Variants in VDAC2 observed in about 807,000 individuals in gnomAD.
VDAC2 encodes the protein non-selective voltage-gated ion channel VDAC2.
VDAC2 carries 6 observed loss-of-function variants against 36.6 expected under a neutral mutation model. That is an observed-to-expected ratio of 0.16 (90% CI 0.09 to 0.32). The LOEUF (loss-of-function observed/expected upper bound fraction) is 0.32. Ranked by LOEUF, VDAC2 falls within the 10% of genes least tolerant of loss-of-function variation. The pLI is 1.00. For missense variants in VDAC2, 247 were observed against 346.0 expected (o/e 0.71, Z 2.27); for synonymous variants, 109 against 123.8 (o/e 0.88, Z 0.79).
At chr10:75,216,108 T>C (rs1029128705) in intron 4 of VDAC2, among the ~76,000 whole-genome samples, 1 of 152,252 alleles carries the variant, frequency 6.6e-6, no homozygotes, top group South Asian at 2.1e-4. Flanking sequence ...TGTTTAGTTA[T>C]GATTGGATGA....
At chr10:75,227,658 C>T (rs1264125041) in intron 8 of VDAC2, among the ~76,000 whole-genome samples, 2 of 137,736 alleles carry the variant, frequency 1.5e-5, no homozygotes, top group African/African-American at 5.6e-5. Context: ...CTCTGCTCTG[C>T]TCACTGCAAC....
At chr10:75,215,937 G>A (rs1043277613) in intron 4 of VDAC2, among the ~76,000 whole-genome samples, 1 of 151,540 alleles carries the variant, frequency 6.6e-6, no homozygotes, top group Non-Finnish European at 1.5e-5. Context: ...GGCCAGTCTG[G>A]TCTTAAACTC....
chr10:75,227,187 A>G (rs1000967340), intron 8 of VDAC2, among the ~76,000 whole-genome samples: 41 of 152,204 alleles, frequency 2.7e-4, no homozygotes, highest in African/African-American at 9.7e-4. Flanking sequence ...AATATCCTAT[A>G]TAACTGGTAA....
intron 3 of VDAC2, among the ~76,000 whole-genome samples, chr10:75,213,003 C>T (rs1841476486): frequency 6.6e-6 from 1 of 152,138 alleles, no homozygotes; most frequent in African/African-American, 2.4e-5. Flanking sequence ...CCATACCCTC[C>T]TCCCCTTTAT....
At position 75,220,984 on chromosome 10, in the gene VDAC2, T is replaced by G; in HGVS notation, c.584+14T>G. 1 of 1,607,790 alleles carries G rather than the reference T, an allele frequency of 6.2e-7. No homozygotes were observed. The highest frequency in any genetic ancestry group is 1.7e-5 in the Admixed American group (1 of 59,772). ...ACACACTAATGTGTAAGTATTTCTT[T>G]CATAGGATACTGTGATGTGGGCCCT... On this transcript the variant is annotated intron_variant, in intron 7 of 9. Coordinates refer to ENST00000332211, the MANE Select transcript of VDAC2 (RefSeq NM_001391963.1).
intron 4 of VDAC2, among the ~76,000 whole-genome samples, chr10:75,218,786 GTTCACTTGAGAATTCACTACA>G (rs1312486672): frequency 2.0e-5 from 3 of 151,814 alleles, no homozygotes; most frequent in African/African-American, 7.3e-5. Flanking sequence ...TGTACAGTTT[GTTCACTTGAGAATTCACTACA>G]GGTTAACTTG....
intron 4 of VDAC2, among the ~76,000 whole-genome samples, chr10:75,217,441 C>T (rs1406131665): frequency 6.6e-6 from 1 of 152,092 alleles, no homozygotes; most frequent in African/African-American, 2.4e-5. Context: ...GCAGTGGTGC[C>T]ATCTTGGCTC....
At chr10:75,215,902 A>G (rs1359307954) in intron 4 of VDAC2, among the ~76,000 whole-genome samples, 1 of 151,026 alleles carries the variant, frequency 6.6e-6, no homozygotes, top group Non-Finnish European at 1.5e-5. Context: ...TTGTATTTTT[A>G]GTAGAAACAG....
At chr10:75,225,656 A>G (rs1841932042) in intron 8 of VDAC2, among the ~76,000 whole-genome samples, 1 of 152,204 alleles carries the variant, frequency 6.6e-6, no homozygotes, top group South Asian at 2.1e-4. Flanking sequence ...GTTTTTAAAC[A>G]ATTTCCCCTA....
chr10:75,222,538 A>G (rs1198705948), intron 8 of VDAC2, 136 bp downstream of exon 8: 15 of 1,265,126 alleles, frequency 1.2e-5, no homozygotes, highest in African/African-American at 3.0e-5. Context: ...AGATTTTGAA[A>G]TGCGCTTTTT....
chr10:75,211,332 C>T (rs113909150), intron 2 of VDAC2, 143 bp downstream of exon 2: 44,230 of 1,402,020 alleles, frequency 0.032, 868 homozygotes, highest in Middle Eastern at 0.036. Flanking sequence ...CTGACCACCT[C>T]CTCTGCGGAG....
At position 75,211,320 on chromosome 10, in the gene VDAC2, G is replaced by A. The variant is rs7915934; in HGVS notation, c.31+131G>A. On this transcript the variant is annotated intron_variant, in intron 2 of 9. Transcript: ENST00000332211. The stretch of plus-strand genomic sequence containing the variant: ...GGCTGCTTTTGGTGGTCGCCCCACC[G>A]TCTGACCACCTCCTCTGCGGAGGAG... 5,929 of 1,428,692 alleles carry A rather than the reference G, an allele frequency of 4.1e-3. 231 individuals are homozygous for A. In the African/African-American group the frequency reaches 0.076, roughly 18 times the overall value. 88.5% of individuals were successfully genotyped at this position (1,428,692 alleles called of 1,614,324 possible).
intron 3 of VDAC2, among the ~76,000 whole-genome samples, chr10:75,212,896 C>T (rs573745094): frequency 6.6e-6 from 1 of 152,020 alleles, no homozygotes; most frequent in South Asian, 2.1e-4. Flanking sequence ...ACTAGAGTTA[C>T]GATATATTAC....
At position 75,211,190 on chromosome 10, in the gene VDAC2, G is replaced by C. The variant is rs1435930518; in HGVS notation, c.31+1G>C. 2 of 1,613,138 alleles carry C rather than the reference G, an allele frequency of 1.2e-6. No individual in the cohort carries two copies. The highest frequency in any genetic ancestry group is 8.5e-7 in the Non-Finnish European group (1 of 1,179,638). On this transcript the variant is annotated splice_donor_variant, in intron 2 of 9. Transcript: ENST00000332211. LOFTEE classifies it high-confidence loss of function. ...ACCCACGGACAGACTTGCGCGCGTCGTAAGTAAAGCTGGGATCTCTGCGGG... is the reference window on the plus strand; with the variant it reads ...ACCCACGGACAGACTTGCGCGCGTCCTAAGTAAAGCTGGGATCTCTGCGGG...
At chr10:75,224,465 A>T (rs1841900048) in intron 8 of VDAC2, among the ~76,000 whole-genome samples, 1 of 152,042 alleles carries the variant, frequency 6.6e-6, no homozygotes, top group African/African-American at 2.4e-5. Context: ...GAAATGAGGA[A>T]CTTTTGACTC....
intron 4 of VDAC2, 94 bp downstream of exon 4, chr10:75,214,164 TAAAG>T: frequency 7.5e-7 from 1 of 1,327,620 alleles, no homozygotes; most frequent in Non-Finnish European, 1.1e-6. Context: ...TGTTTTGTCT[TAAAG>T]AAGAGGCAGA....
intron 8 of VDAC2, among the ~76,000 whole-genome samples, chr10:75,229,068 C>G (rs1842037329): frequency 6.6e-6 from 1 of 152,100 alleles, no homozygotes; most frequent in African/African-American, 2.4e-5. Context: ...ACAGCCAGAA[C>G]TCAGCAGCAC....
intron 8 of VDAC2, among the ~76,000 whole-genome samples, chr10:75,223,409 TTC>T (rs1229148288): frequency 1.3e-5 from 2 of 152,204 alleles, no homozygotes; most frequent in Non-Finnish European, 2.9e-5. Context: ...TGGAAGAAGC[TTC>T]TCTCAGCTAC....
At position 75,219,154 on chromosome 10, in the gene VDAC2, C is replaced by T. The variant is rs769479618; in HGVS notation, c.242C>T (p.Thr81Ile). ...TACAAGTGGTGTGAGTATGGTCTGA[C>T]TTTCACAGAAAAGTGGAACACTGAT... ...TKYKWCEYGL[T>I]FTEKWNTDNT... Residue 81 changes from threonine to isoleucine, a missense_variant, in exon 5 of 10, where the codon ACT becomes ATT. By Grantham distance (89) the Thr-to-Ile change is moderately conservative (BLOSUM62 -1). Transcript: ENST00000332211. 3.1e-5 allele frequency: 50 copies of T among 1,612,974 alleles called. No homozygotes were observed. Among genetic ancestry groups the T allele is most frequent in the Non-Finnish European group, 4.1e-5 (48 of 1,179,478 alleles).
Sources: gnomAD v4.1 joint callset for allele counts (sites outside exome capture counted in the v4.1 genomes callset) on GRCh38, gnomAD v4.1.1 for gene constraint, MANE v1.5 for transcripts, NCBI Gene and HGNC (gene_info 2026-07-23, HGNC 2026-07-21) for gene names.